The following PTPN22 variants were observed in gnomAD, a reference collection of about 807,000 sequenced individuals.
The protein encoded by PTPN22 is tyrosine-protein phosphatase non-receptor type 22.
In PTPN22, 85 loss-of-function variants were observed where a neutral mutation model predicts 103.3. That is an observed-to-expected ratio of 0.82 (90% confidence interval 0.69 to 0.99). The LOEUF (loss-of-function observed/expected upper bound fraction) is 0.99. PTPN22 is among the 50% of genes least tolerant of loss of function. PTPN22 has a pLI of 0.00. For missense variants in PTPN22, 865 were observed against 936.9 expected (o/e 0.92, Z 1.00); for synonymous variants, 323 against 310.2 (o/e 1.04, Z -0.43).
chr1:113,859,268 G>C, intron 2 of PTPN22, 84 bp downstream of exon 2: 1 of 1,539,496 alleles, frequency 6.5e-7, no homozygotes, highest in Non-Finnish European at 8.9e-7. Flanking sequence ...TCCAAGATCA[G>C]GATCAGTAAG....
chr1:113,839,247 ATCT>A (rs949001271), intron 11 of PTPN22, among the ~76,000 whole-genome samples: 31 of 151,984 alleles, frequency 2.0e-4, no homozygotes, highest in African/African-American at 5.6e-4. Context: ...GCCATGCTCA[ATCT>A]TCTTCTTTTT....
At position 113,852,489 on chromosome 1, in the gene PTPN22, T is replaced by C. The variant is rs143494373; in HGVS notation, c.751-385A>G. ...CTATTAGACATTAAAAAATGATTTA[T>C]AGATTGGAACGCAAAGTATGATTGC... is the stretch of plus-strand genomic sequence containing the variant. On this transcript the variant is annotated intron_variant, in intron 9 of 20. Coordinates refer to ENST00000359785, the Ensembl canonical transcript of PTPN22. 5.3e-5 allele frequency among the ~76,000 whole-genome samples: 8 copies of C among 152,350 alleles called. No individual in the cohort carries two copies. In the East Asian group the frequency reaches 1.3e-3, roughly 26 times the overall value.
At chr1:113,853,705 G>A (rs1169635402) in intron 9 of PTPN22, among the ~76,000 whole-genome samples, 15 of 150,346 alleles carry the variant, frequency 1.0e-4, no homozygotes, top group Middle Eastern at 3.5e-3. Context: ...TTTTTGAGAC[G>A]GAGTCTCTCT....
chr1:113,841,131 G>A (rs545271390), intron 11 of PTPN22, among the ~76,000 whole-genome samples: 14 of 152,100 alleles, frequency 9.2e-5, no homozygotes, highest in African/African-American at 2.4e-4. Context: ...GGCTGAGGCC[G>A]GAGAATCACT....
intron 11 of PTPN22, among the ~76,000 whole-genome samples, chr1:113,841,340 A>T (rs1371852538): frequency 6.6e-6 from 1 of 152,222 alleles, no homozygotes; most frequent in Non-Finnish European, 1.5e-5. Context: ...AACTCTTATA[A>T]GAAAATGGGC....
chr1:113,853,636 AC>A (rs1018875672), intron 9 of PTPN22, among the ~76,000 whole-genome samples: 1 of 151,194 alleles, frequency 6.6e-6, no homozygotes, highest in Non-Finnish European at 1.5e-5. Flanking sequence ...CGTGTGAGCC[AC>A]CATGCCCGGC....
intron 18 of PTPN22, among the ~76,000 whole-genome samples, chr1:113,828,676 T>G (rs1041835985): frequency 6.6e-6 from 1 of 152,212 alleles, no homozygotes; most frequent in African/African-American, 2.4e-5. Context: ...GACGTCTCAC[T>G]CTGTCACCCA....
At chr1:113,822,777 C>T (rs537645029) in intron 19 of PTPN22, among the ~76,000 whole-genome samples, 4 of 152,142 alleles carry the variant, frequency 2.6e-5, no homozygotes, top group Admixed American at 6.6e-5. Flanking sequence ...CTGGCCAACA[C>T]GGTGAAACCT....
At chr1:113,815,756 G>A (rs2101849174) in intron 20 of PTPN22, among the ~76,000 whole-genome samples, 1 of 152,304 alleles carries the variant, frequency 6.6e-6, no homozygotes, top group Non-Finnish European at 1.5e-5. Flanking sequence ...TCGGCCCACT[G>A]CAACCTCCGC....
At chr1:113,838,700 G>A in intron 11 of PTPN22, 80 bp from the exon 12 acceptor site, 1 of 1,513,302 alleles carries the variant, frequency 6.6e-7, no homozygotes, top group African/African-American at 1.4e-5. Flanking sequence ...AGGCTGAAAA[G>A]TAATTTTTCA....
At chr1:113,816,324 A>C (rs1282452284) in intron 20 of PTPN22, among the ~76,000 whole-genome samples, 1 of 151,684 alleles carries the variant, frequency 6.6e-6, no homozygotes, top group Non-Finnish European at 1.5e-5. Flanking sequence ...AAACACAAAA[A>C]AATTAGCCGG....
Position 113,819,948 on chromosome 1 carries a change from T to A in PTPN22, c.2282-294A>T, listed in dbSNP as rs534386069. The A allele has an allele frequency of 4.2e-3, 803 of 191,008 alleles. 4 individuals are homozygous for A. Among genetic ancestry groups the A allele is most frequent in the African/African-American group, 0.018 (767 of 43,074 alleles). 11.8% of individuals were successfully genotyped at this position (191,008 alleles called of 1,614,324 possible). A position where few individuals can be genotyped will look rare whatever the true frequency, so the allele number is the denominator to read the frequency against. On this transcript the variant is annotated intron_variant, in intron 19 of 20. Coordinates refer to ENST00000359785, the Ensembl canonical transcript of PTPN22. ...ATCCAATATATCATGAATCAGCATT[T>A]TTTTGTTTTTTTTTTTGAAATTCAC...
At chr1:113,822,837 G>A (rs928402889) in intron 19 of PTPN22, among the ~76,000 whole-genome samples, 2 of 152,136 alleles carry the variant, frequency 1.3e-5, no homozygotes, top group Non-Finnish European at 2.9e-5. Flanking sequence ...GTGTGCGCCT[G>A]TCATCCCAGC....
chr1:113,857,613 C>A, intron 5 of PTPN22, 125 bp downstream of exon 5: 2 of 829,762 alleles, frequency 2.4e-6, no homozygotes, highest in South Asian at 1.9e-5. Context: ...CATTCCCAAA[C>A]TGAAAACTAT....
chr1:113,846,994 T>C (rs1301615187), intron 11 of PTPN22, among the ~76,000 whole-genome samples: 1 of 75,402 alleles, frequency 1.3e-5, no homozygotes, highest in Non-Finnish European at 2.8e-5. Context: ...AATGCTAGAT[T>C]TTTTTTTTTT....
chr1:113,822,005 C>G (rs1230517637), intron 19 of PTPN22, among the ~76,000 whole-genome samples: 1 of 152,166 alleles, frequency 6.6e-6, no homozygotes, highest in Non-Finnish European at 1.5e-5. Context: ...GGCTTGAAAA[C>G]CAATAAAGAG....
chr1:113,859,077 A>G, exon 3 of PTPN22: 1 of 1,613,502 alleles, frequency 6.2e-7, no homozygotes, highest in South Asian at 1.1e-5. Flanking sequence ...GGCTATAATC[A>G]TCTATAATAC....
At position 113,848,481 on chromosome 1, in the gene PTPN22, C is replaced by G. The variant is rs1664285163; in HGVS notation, c.915+59G>C. 3 of 1,605,602 alleles carry G rather than the reference C, an allele frequency of 1.9e-6. No individual in the cohort carries two copies. In the South Asian group the frequency reaches 3.3e-5, roughly 18 times the overall value. On this transcript the variant is annotated intron_variant, in intron 11 of 20. Transcript: ENST00000359785. ...ATAAATCCTGCAACAAATCTGACATCCCTTGACCAAAAGCAAGTATGAAAA... is the reference window on the plus strand; with the variant it reads ...ATAAATCCTGCAACAAATCTGACATGCCTTGACCAAAAGCAAGTATGAAAA...
At chr1:113,845,495 T>C (rs915837149) in intron 11 of PTPN22, among the ~76,000 whole-genome samples, 4 of 152,078 alleles carry the variant, frequency 2.6e-5, no homozygotes, top group Admixed American at 1.3e-4. Context: ...GAGCCACTGC[T>C]CCCAGGCTAA....
Sources: allele counts gnomAD v4.1 joint callset (sites outside exome capture counted in the v4.1 genomes callset), GRCh38; gene constraint gnomAD v4.1.1; transcripts MANE v1.5; gene names NCBI Gene and HGNC (gene_info 2026-07-23, HGNC 2026-07-21).